Variants in PCDH11Y observed in about 807,000 individuals in gnomAD.
The protein encoded by PCDH11Y is protocadherin 11 Y-linked, also known as protocadherin-11 Y-linked.
For missense variants in PCDH11Y, 12 were observed against 224.8 expected (o/e 0.05, Z 6.05); for synonymous variants, 9 against 83.6 (o/e 0.11, Z 4.87).
At chrY:5,105,576 C>T (rs2052790344), downstream of PCDH11Y, 1 of 24,364 alleles carries the variant, frequency 4.1e-5, no homozygotes, top group African/African-American at 1.6e-4. Context: ...TGCAGTGAGC[C>T]GAGATCGTGC....
At chrY:5,441,204 T>G in intron 2 of PCDH11Y, among the ~76,000 whole-genome samples, 2 of 32,891 alleles carry the variant, frequency 6.1e-5, no homozygotes, top group South Asian at 6.5e-4. Context: ...GAACTCACTA[T>G]AGCGTAAAAA....
chrY:5,356,615 G>A, intron 2 of PCDH11Y, among the ~76,000 whole-genome samples: 6 of 31,268 alleles, frequency 1.9e-4, no homozygotes, highest in Admixed American at 1.8e-3. Context: ...AGTGGCTCAC[G>A]CCTATAATCC....
At chrY:5,565,111 T>C in intron 3 of PCDH11Y, among the ~76,000 whole-genome samples, 2 of 33,199 alleles carry the variant, frequency 6.0e-5, no homozygotes, top group African/African-American at 2.3e-4. Flanking sequence ...AAGACTTCGT[T>C]AGGCTGAATG....
intron 4 of PCDH11Y, among the ~76,000 whole-genome samples, chrY:5,591,960 G>A: frequency 2.1e-4 from 7 of 33,183 alleles, no homozygotes; most frequent in South Asian, 1.4e-3. Context: ...CCGATTATGT[G>A]GTCAATTTTA....
At chrY:5,447,965 T>C in intron 2 of PCDH11Y, among the ~76,000 whole-genome samples, 1 of 30,757 alleles carries the variant, frequency 3.3e-5, no homozygotes, top group Admixed American at 3.1e-4. Context: ...AACCATAAAG[T>C]ATTTTATTCT....
intron 2 of PCDH11Y, among the ~76,000 whole-genome samples, chrY:5,134,749 G>A: frequency 3.2e-5 from 1 of 31,664 alleles, no homozygotes. Flanking sequence ...GAAGTGGGGG[G>A]GAAATGGCAG....
At chrY:5,335,882 G>A (rs2053135986) in intron 2 of PCDH11Y, among the ~76,000 whole-genome samples, 1 of 32,160 alleles carries the variant, frequency 3.1e-5, no homozygotes, top group Non-Finnish European at 7.5e-5. Flanking sequence ...TTATTAATGA[G>A]AAATGAATTT....
downstream of PCDH11Y, among the ~76,000 whole-genome samples, chrY:5,107,919 C>T (rs112233929): frequency 5.5e-4 from 15 of 27,159 alleles, no homozygotes; most frequent in Admixed American, 4.0e-3. Flanking sequence ...ATTAGCCGGG[C>T]GTGGTGGCGG....
At chrY:5,331,842 A>G in intron 2 of PCDH11Y, among the ~76,000 whole-genome samples, 1 of 33,868 alleles carries the variant, frequency 3.0e-5, no homozygotes, top group Admixed American at 2.7e-4. Context: ...AACCTTGGCA[A>G]AATAAACGTT....
intron 4 of PCDH11Y, among the ~76,000 whole-genome samples, chrY:5,670,174 G>A: frequency 1.6e-4 from 5 of 32,119 alleles, no homozygotes; most frequent in Admixed American, 5.8e-4. Flanking sequence ...GTACTCCATT[G>A]TATATATGTA....
intron 2 of PCDH11Y, among the ~76,000 whole-genome samples, chrY:5,465,302 C>G: frequency 3.1e-5 from 1 of 31,935 alleles, no homozygotes. Flanking sequence ...TTACAAGACT[C>G]GCTTCTTATA....
intron 1 of PCDH11Y, among the ~76,000 whole-genome samples, chrY:5,001,576 C>CT (rs1556394490): frequency 1.9e-3 from 58 of 31,210 alleles, no homozygotes; most frequent in Admixed American, 3.1e-3. Flanking sequence ...TAAAACGGCT[C>CT]TTTTTTTTTT....
At position 5,266,779 on chromosome Y, in the gene PCDH11Y, T is replaced by C; in HGVS notation, c.3129+166072T>C. On this transcript the variant is annotated intron_variant, in intron 2 of 4. Transcript: ENST00000400457. Reference sequence around the variant, plus strand: ...ATAAATAGCTTGATATCTTAAAATATTATATTATTAAATTAAAATATATCA... The same window carrying C: ...ATAAATAGCTTGATATCTTAAAATACTATATTATTAAATTAAAATATATCA... Among the ~76,000 whole-genome samples the C allele has an allele frequency of 1.2e-4, 4 of 32,647 alleles. No individual in the cohort carries two copies. In the East Asian group the frequency reaches 3.1e-3, roughly 25 times the overall value. The allele number at this position is 32,647 out of a possible 37,273, so 87.6% of individuals were successfully genotyped here.
Position 5,367,781 on chromosome Y carries a change from CCACA to C in PCDH11Y, c.3130-133267_3130-133264del, listed in dbSNP as rs2053182658. 1.0e-4 allele frequency among the ~76,000 whole-genome samples: 3 copies of C among 28,873 alleles called. No individual in the cohort carries two copies. In the East Asian group the frequency reaches 2.9e-3, roughly 28 times the overall value. 77.5% of individuals were successfully genotyped at this position (28,873 alleles called of 37,273 possible). A position where few individuals can be genotyped will look rare whatever the true frequency, so the allele number is the denominator to read the frequency against. ...ACACATACACATTGATATATATACACCACACACACACAGATGCATGCACATACAC... is the reference window on the plus strand; with the variant it reads ...ACACATACACATTGATATATATACACCACACACAGATGCATGCACATACAC... On this transcript the variant is annotated intron_variant, in intron 2 of 4. Transcript: ENST00000400457.
At chrY:5,016,505 T>C in intron 1 of PCDH11Y, among the ~76,000 whole-genome samples, 1 of 33,391 alleles carries the variant, frequency 3.0e-5, no homozygotes, top group Admixed American at 2.8e-4. Flanking sequence ...GTGTGTTAAA[T>C]AGTAAAACGG....
Position 5,373,121 on chromosome Y carries a change from TCCC to T in PCDH11Y, c.3130-127935_3130-127933del, listed in dbSNP as rs2053191645. The stretch of plus-strand genomic sequence containing the variant: ...CTCCCTCCCTCCCTCCCTCCCTCCC[TCCC>T]TCCTTTCTTTCTTTCTTTCTTTCTT... On this transcript the variant is annotated intron_variant, in intron 2 of 4. Transcript: ENST00000400457. Among the ~76,000 whole-genome samples, 5 of 1,055 alleles carry T rather than the reference TCCC, an allele frequency of 4.7e-3. No homozygotes were observed. The East Asian group carries it at 0.25, about 53-fold the overall frequency. The allele number at this position is 1,055 out of a possible 37,273, so 2.8% of individuals were successfully genotyped here.
intron 2 of PCDH11Y, among the ~76,000 whole-genome samples, chrY:5,227,197 A>G: frequency 6.1e-5 from 2 of 32,573 alleles, no homozygotes; most frequent in East Asian, 1.6e-3. Context: ...ATGTGTGGCT[A>G]TTGTAAATAG....
chrY:5,337,944 C>G, intron 2 of PCDH11Y: 1 of 394,741 alleles, frequency 2.5e-6, no homozygotes, highest in Non-Finnish European at 3.5e-6. Context: ...ACTAAAGAAA[C>G]CTGCTGCACA....
At chrY:5,715,628 C>A in intron 4 of PCDH11Y, among the ~76,000 whole-genome samples, 3 of 30,283 alleles carry the variant, frequency 9.9e-5, no homozygotes, top group African/African-American at 2.6e-4. Context: ...AATAAAAATT[C>A]TCCCAGGATA....
Sources: gnomAD v4.1 joint callset for allele counts (sites outside exome capture counted in the v4.1 genomes callset) on GRCh38, gnomAD v4.1.1 for gene constraint, MANE v1.5 for transcripts, NCBI Gene and HGNC (gene_info 2026-07-23, HGNC 2026-07-21) for gene names.